Variants in SNTG2 observed in about 807,000 individuals in gnomAD.
SNTG2 encodes gamma-2-syntrophin.
Under a neutral mutation model 70.9 loss-of-function variants are expected in SNTG2, and 74 were observed. That is an observed-to-expected ratio of 1.04 (90% confidence interval 0.86 to 1.27). The LOEUF (loss-of-function observed/expected upper bound fraction) is 1.27, where lower values mean the gene tolerates loss of function less well. Ranked by LOEUF, SNTG2 falls within the 50% of genes most tolerant of loss-of-function variation. The pLI is 0.00. For synonymous variants in SNTG2, 278 were observed against 273.8 expected (o/e 1.02, Z -0.15); for missense variants, 717 against 690.7 (o/e 1.04, Z -0.43).
intron 8 of SNTG2, among the ~76,000 whole-genome samples, chr2:1,202,134 A>G (rs567201588): frequency 2.0e-5 from 3 of 152,258 alleles, no homozygotes; most frequent in South Asian, 2.1e-4. Flanking sequence ...GAAGAGCACT[A>G]TGAATGGCAA....
rs763965901 is a variant in SNTG2 at position 1,239,705 on chromosome 2, T to C, written c.850-33T>C. On this transcript the variant is annotated intron_variant, in intron 10 of 16. Transcript: ENST00000308624. ...GGTGAGCCATCCTGGTGTTGGTGGC[T>C]GTGGCCCTGACTCTTCTGCCTTCTC... The C allele has an allele frequency of 5.0e-6, 8 of 1,611,026 alleles. No homozygotes were observed. The African/African-American group carries it at 1.1e-4, about 22-fold the overall frequency.
In SNTG2 at chr2:1,173,096, C is replaced by T. The variant is rs1260152483; in HGVS notation, c.504C>T (p.Ser168=). The T allele has an allele frequency of 6.2e-7, 1 of 1,613,850 alleles. No homozygotes were observed. The highest frequency in any genetic ancestry group is 8.5e-7 in the Non-Finnish European group (1 of 1,179,834). Residue 168 remains serine (S), a synonymous_variant, in exon 8 of 17, where the codon TCC becomes TCT. Coordinates refer to ENST00000308624, the MANE Select transcript of SNTG2 (RefSeq NM_018968.4). The stretch of plus-strand genomic sequence containing the variant: ...ACTTCTCTTGTTTTGCTGCAGGGTC[C>T]CCAGGGCCATCCAGCGACCACAGCA... ...APAFLKLPLG[S]PGPSSDHSSG... is the part of the protein sequence containing the mutation.
At chr2:1,332,933 A>G (rs920981915) in intron 16 of SNTG2, among the ~76,000 whole-genome samples, 2 of 152,186 alleles carry the variant, frequency 1.3e-5, no homozygotes, top group African/African-American at 4.8e-5. Flanking sequence ...TCTATTCACC[A>G]TAGTACTGAA....
chr2:954,260 G>C (rs1288321850), intron 1 of SNTG2, among the ~76,000 whole-genome samples: 4 of 152,140 alleles, frequency 2.6e-5, no homozygotes, highest in African/African-American at 9.7e-5. Context: ...CCCCGGCTTC[G>C]GGAACCACCA....
At chr2:1,176,926 T>C (rs1671516478) in intron 8 of SNTG2, among the ~76,000 whole-genome samples, 1 of 152,204 alleles carries the variant, frequency 6.6e-6, no homozygotes, top group Non-Finnish European at 1.5e-5. Flanking sequence ...GTGTGGTGAT[T>C]CCTCAAAGGT....
At chr2:1,273,251 G>A (rs1214987537) in intron 14 of SNTG2, among the ~76,000 whole-genome samples, 1 of 152,116 alleles carries the variant, frequency 6.6e-6, no homozygotes, top group African/African-American at 2.4e-5. Context: ...TTGCTCTCTG[G>A]TCTGAGCTGC....
intron 1 of SNTG2, among the ~76,000 whole-genome samples, chr2:1,047,401 G>A (rs1661800956): frequency 6.6e-6 from 1 of 152,114 alleles, no homozygotes; most frequent in South Asian, 2.1e-4. Flanking sequence ...CCTCATGTGG[G>A]GCTTTAGGGA....
intron 4 of SNTG2, among the ~76,000 whole-genome samples, chr2:1,129,315 G>T (rs1160584488): frequency 6.6e-6 from 1 of 152,214 alleles, no homozygotes; most frequent in Non-Finnish European, 1.5e-5. Context: ...TAAATGACAA[G>T]ATGAAGTTTG....
At chr2:1,238,051 G>A (rs1676797610) in intron 10 of SNTG2, 34 bp downstream of exon 10, 1 of 1,580,860 alleles carries the variant, frequency 6.3e-7, no homozygotes, top group Non-Finnish European at 8.6e-7. Context: ...CTCTGCTGAT[G>A]CTCATTCGTG....
chr2:1,087,214 G>A (rs534984451), intron 2 of SNTG2, among the ~76,000 whole-genome samples: 4 of 152,272 alleles, frequency 2.6e-5, no homozygotes, highest in African/African-American at 7.2e-5. Flanking sequence ...CTGGTGATGC[G>A]CACCTGCTGT....
rs1293849951 is a variant in SNTG2 at position 1,221,382 on chromosome 2, C to CCCCTCCCT, written c.719+12154_719+12161dup. Among the ~76,000 whole-genome samples, 4 of 137,996 alleles carry CCCCTCCCT rather than the reference C, an allele frequency of 2.9e-5. No individual in the cohort carries two copies. The East Asian group carries it at 6.4e-4, about 22-fold the overall frequency. The allele number at this position is 137,996 out of a possible 152,430, so 90.5% of individuals were successfully genotyped here. On this transcript the variant is annotated intron_variant, in intron 9 of 16. Coordinates refer to ENST00000308624, the MANE Select transcript of SNTG2 (RefSeq NM_018968.4). ...CTCTGCCTCTCTCTGTGTCTCTCTG[C>CCCCTCCCT]CCCTCCCTCTGTCTCTGTCCCTCTC...
chr2:1,192,747 T>C (rs926739230), intron 8 of SNTG2, among the ~76,000 whole-genome samples: 2 of 152,140 alleles, frequency 1.3e-5, no homozygotes, highest in African/African-American at 4.8e-5. Context: ...CCGTCCCTCC[T>C]ACACCCTCCC....
chr2:1,113,032 G>A (rs56190717), intron 4 of SNTG2, among the ~76,000 whole-genome samples: 49 of 145,258 alleles, frequency 3.4e-4, no homozygotes, highest in African/African-American at 1.2e-3. Flanking sequence ...TAAGTGAGGT[G>A]TAACCCTTAC....
intron 4 of SNTG2, among the ~76,000 whole-genome samples, chr2:1,116,307 A>G (rs1372036754): frequency 1.3e-5 from 2 of 152,242 alleles, no homozygotes; most frequent in African/African-American, 4.8e-5. Context: ...GCCTGACAAC[A>G]TTGGAAAGGA....
chr2:1,223,094 G>A (rs1553363031), intron 9 of SNTG2, among the ~76,000 whole-genome samples: 7 of 32,936 alleles, frequency 2.1e-4, no homozygotes, highest in African/African-American at 7.1e-4. Flanking sequence ...TGCTGCTGGA[G>A]GTGCTGGATC....
At chr2:1,019,997 C>T (rs565077187) in intron 1 of SNTG2, among the ~76,000 whole-genome samples, 30 of 152,240 alleles carry the variant, frequency 2.0e-4, no homozygotes, top group East Asian at 5.8e-4. Context: ...GAGCTGAGAT[C>T]GTGCCACTGC....
At chr2:1,227,759 A>G (rs1675891202) in intron 9 of SNTG2, among the ~76,000 whole-genome samples, 1 of 152,218 alleles carries the variant, frequency 6.6e-6, no homozygotes, top group African/African-American at 2.4e-5. Context: ...AGACATGATT[A>G]TGTTTTACAG....
chr2:1,180,427 CAAAAG>C (rs1671799469), intron 8 of SNTG2, among the ~76,000 whole-genome samples: 1 of 130,144 alleles, frequency 7.7e-6, no homozygotes, highest in Admixed American at 8.5e-5. Context: ...AGACACTTCT[CAAAAG>C]AAGACATTTA....
Position 1,209,175 on chromosome 2 carries a change from G to C in SNTG2, c.664G>C (p.Val222Leu), listed in dbSNP as rs756219413. The C allele has an allele frequency of 6.2e-7, 1 of 1,613,946 alleles. No individual in the cohort carries two copies. Among genetic ancestry groups the C allele is most frequent in the South Asian group, 1.1e-5 (1 of 91,078 alleles). Residue 222 changes from valine (V) to leucine (L), a missense_variant, in exon 9 of 17, where the codon GTG becomes CTG. Val to Leu is a conservative substitution (Grantham distance 32, BLOSUM62 1). Coordinates refer to ENST00000308624, the MANE Select transcript of SNTG2 (RefSeq NM_018968.4). The stretch of plus-strand genomic sequence containing the variant: ...GAAGCGCTGGCTGGACACCTTGTCC[G>C]TGCCTCTGTCCATGGCTCGCATCTC... ...YEKRWLDTLS[V>L]PLSMARISRY...
Sources: allele counts gnomAD v4.1 joint callset (sites outside exome capture counted in the v4.1 genomes callset), GRCh38; gene constraint gnomAD v4.1.1; transcripts MANE v1.5; gene names NCBI Gene and HGNC (gene_info 2026-07-23, HGNC 2026-07-21).